The following KHDRBS3 variants were observed in gnomAD, a reference collection of about 807,000 sequenced individuals.
The protein encoded by KHDRBS3 is KH domain-containing, RNA-binding, signal transduction-associated protein 3.
KHDRBS3 carries 23 observed loss-of-function variants against 45.6 expected under a neutral mutation model. That is an observed-to-expected ratio of 0.50 (90% CI 0.36 to 0.72). KHDRBS3 has a LOEUF of 0.72. Among genes scored for constraint, KHDRBS3 ranks in the 30% least tolerant of loss-of-function variants. KHDRBS3 has a pLI of 0.00. For missense variants in KHDRBS3, 352 were observed against 424.8 expected (o/e 0.83, Z 1.51); for synonymous variants, 162 against 156.5 (o/e 1.04, Z -0.26).
intron 4 of KHDRBS3, among the ~76,000 whole-genome samples, chr8:135,552,201 A>G (rs1296139923): frequency 6.6e-6 from 1 of 152,076 alleles, no homozygotes; most frequent in African/African-American, 2.4e-5. Context: ...TCAGCTATTT[A>G]AACTTTTTCT....
At chr8:135,568,018 A>C (rs779640430) in intron 5 of KHDRBS3, among the ~76,000 whole-genome samples, 2 of 152,214 alleles carry the variant, frequency 1.3e-5, no homozygotes, top group Admixed American at 6.5e-5. Context: ...AGCACTGCCA[A>C]TATTACAAGT....
intron 2 of KHDRBS3, among the ~76,000 whole-genome samples, chr8:135,526,999 A>G (rs971389395): frequency 2.6e-5 from 4 of 152,022 alleles, no homozygotes; most frequent in African/African-American, 4.8e-5. Context: ...AACATGGTCA[A>G]TATAAACCCC....
intron 2 of KHDRBS3, among the ~76,000 whole-genome samples, chr8:135,535,876 G>A (rs914230906): frequency 3.9e-5 from 6 of 152,240 alleles, no homozygotes; most frequent in Admixed American, 6.5e-5. Flanking sequence ...CTTAAACACC[G>A]ATTCCTCCTG....
intron 1 of KHDRBS3, among the ~76,000 whole-genome samples, chr8:135,481,531 C>T (rs760768114): frequency 2.0e-5 from 3 of 151,922 alleles, no homozygotes; most frequent in Non-Finnish European, 2.9e-5. Flanking sequence ...TGTGTATGCA[C>T]GGTGCTTGAA....
intron 5 of KHDRBS3, among the ~76,000 whole-genome samples, chr8:135,579,390 C>A (rs1586750853): frequency 6.6e-6 from 1 of 152,188 alleles, no homozygotes; most frequent in East Asian, 1.9e-4. Context: ...TGGAGTGCAT[C>A]TAGGTGGCAC....
At chr8:135,535,992 TTTTC>T (rs1825726483) in intron 2 of KHDRBS3, among the ~76,000 whole-genome samples, 1 of 152,132 alleles carries the variant, frequency 6.6e-6, no homozygotes, top group Non-Finnish European at 1.5e-5. Flanking sequence ...GGTTTCTTTA[TTTTC>T]TTTAATTTTC....
chr8:135,536,925 A>G (rs1262710189), intron 2 of KHDRBS3, among the ~76,000 whole-genome samples: 1 of 135,774 alleles, frequency 7.4e-6, no homozygotes, highest in Non-Finnish European at 1.5e-5. Context: ...GCGCCACTGC[A>G]GTCCGCAGTC....
intron 1 of KHDRBS3, among the ~76,000 whole-genome samples, chr8:135,478,044 ATG>A (rs542384779): frequency 1.0e-3 from 155 of 152,270 alleles, no homozygotes; most frequent in African/African-American, 3.7e-3. Context: ...TGAACTGCAC[ATG>A]TGAGGGATCT....
At chr8:135,630,185 T>C (rs905492016) in intron 7 of KHDRBS3, among the ~76,000 whole-genome samples, 2 of 152,208 alleles carry the variant, frequency 1.3e-5, no homozygotes, top group African/African-American at 4.8e-5. Context: ...ATGCCTGTGC[T>C]TTCCTGAGGA....
At chr8:135,629,159 C>T (rs1230559540) in intron 7 of KHDRBS3, among the ~76,000 whole-genome samples, 1 of 152,208 alleles carries the variant, frequency 6.6e-6, no homozygotes, top group Non-Finnish European at 1.5e-5. Flanking sequence ...AAGTTTGTGT[C>T]TCCAATTCTC....
chr8:135,517,645 T>C (rs1383702345), intron 1 of KHDRBS3, among the ~76,000 whole-genome samples: 1 of 152,140 alleles, frequency 6.6e-6, no homozygotes, highest in Non-Finnish European at 1.5e-5. Flanking sequence ...TTTTAACCAG[T>C]TTTGAATTGT....
At chr8:135,458,802 A>T in intron 1 of KHDRBS3, 1 of 453,378 alleles carries the variant, frequency 2.2e-6, no homozygotes, top group South Asian at 1.6e-5. Flanking sequence ...GATCCTAGGA[A>T]GTACTGCGGG....
chr8:135,653,367 C>G (rs1321974178), intron 4 of KHDRBS3, among the ~76,000 whole-genome samples: 2 of 152,148 alleles, frequency 1.3e-5, no homozygotes, highest in Admixed American at 6.6e-5. Context: ...ACAAATGAAC[C>G]TGTAATTCTT....
chr8:135,546,155 TA>T lies in KHDRBS3; in HGVS notation c.325-2587del, dbSNP rs547556925. On this transcript the variant is annotated intron_variant, in intron 3 of 8. Coordinates refer to ENST00000355849, the MANE Select transcript of KHDRBS3 (RefSeq NM_006558.3). ...CTGTCTCCCAAAAAAATAAATAAAT[TA>T]AAAAAAAAAAAGATACTACTAGTAT... is the stretch of plus-strand genomic sequence containing the variant. 2.8e-3 allele frequency among the ~76,000 whole-genome samples: 390 copies of T among 141,500 alleles called. 3 individuals are homozygous for T. Among genetic ancestry groups the T allele is most frequent in the African/African-American group, 6.2e-3 (240 of 38,760 alleles). The allele number at this position is 141,500 out of a possible 152,430, so 92.8% of individuals were successfully genotyped here.
chr8:135,539,143 A>T (rs1825922937), intron 2 of KHDRBS3: 1 of 152,256 alleles, frequency 6.6e-6, no homozygotes, highest in Non-Finnish European at 1.5e-5. Flanking sequence ...TCTGTTTCTG[A>T]TGCCTGACAT....
intron 5 of KHDRBS3, among the ~76,000 whole-genome samples, chr8:135,580,899 C>T (rs1244097137): frequency 2.0e-5 from 3 of 152,140 alleles, no homozygotes; most frequent in East Asian, 3.8e-4. Context: ...AGGCCTGAGC[C>T]GTCACACCCG....
intron 7 of KHDRBS3, among the ~76,000 whole-genome samples, chr8:135,609,201 A>G (rs1447906870): frequency 2.0e-5 from 3 of 152,158 alleles, no homozygotes; most frequent in African/African-American, 7.2e-5. Flanking sequence ...GACTCTTGTA[A>G]TAATACTTAG....
chr8:135,539,885 T>A (rs940362592), intron 2 of KHDRBS3: 2 of 152,230 alleles, frequency 1.3e-5, no homozygotes, highest in African/African-American at 2.4e-5. Context: ...CCTAAAGGTA[T>A]ATAAAAGTCA....
In KHDRBS3 at chr8:135,617,619, G is replaced by A. The variant is rs142139417; in HGVS notation, c.890+10582G>A. 5.6e-4 allele frequency among the ~76,000 whole-genome samples: 85 copies of A among 152,272 alleles called. 1 individual carries two copies. Among genetic ancestry groups the A allele is most frequent in the African/African-American group, 2.0e-3 (83 of 41,544 alleles). On this transcript the variant is annotated intron_variant, in intron 7 of 8. Coordinates refer to ENST00000355849, the MANE Select transcript of KHDRBS3 (RefSeq NM_006558.3). ...ATACCATTTTATGGATGAGGAAATT[G>A]TGGCACAGAGACCGTGGAACTTCCC...
Sources: gnomAD v4.1 joint callset for allele counts (sites outside exome capture counted in the v4.1 genomes callset) on GRCh38, gnomAD v4.1.1 for gene constraint, MANE v1.5 for transcripts, NCBI Gene and HGNC (gene_info 2026-07-23, HGNC 2026-07-21) for gene names.